Variants in ATP1A4 observed in about 807,000 individuals in gnomAD.
ATP1A4 encodes ATPase Na+/K+ transporting subunit alpha 4, also known as sodium/potassium-transporting ATPase subunit alpha-4.
In ATP1A4, 90 loss-of-function variants were observed where a neutral mutation model predicts 114.3. That is an observed-to-expected ratio of 0.79 (90% CI 0.66 to 0.94). The LOEUF is 0.94. Among genes scored for constraint, ATP1A4 ranks in the 40% least tolerant of loss-of-function variants. The pLI is 0.00. For missense variants in ATP1A4, 1,222 were observed against 1,313.6 expected (o/e 0.93, Z 1.08); for synonymous variants, 511 against 494.1 (o/e 1.03, Z -0.45).
At chr1:160,162,330 T>C (rs1013153884) in intron 6 of ATP1A4, among the ~76,000 whole-genome samples, 1 of 152,138 alleles carries the variant, frequency 6.6e-6, no homozygotes, top group African/African-American at 2.4e-5. Flanking sequence ...CATTTCAAGG[T>C]GAGTGGCCTG....
chr1:160,164,466 C>T (rs1275126628), intron 7 of ATP1A4, 42 bp downstream of exon 7: 4 of 1,605,036 alleles, frequency 2.5e-6, no homozygotes, highest in Non-Finnish European at 3.4e-6. Context: ...GCAGACAAAC[C>T]ACCCCAGGGA....
Position 160,166,530 on chromosome 1 carries a change from G to T in ATP1A4, c.1050G>T (p.Val350=), listed in dbSNP as rs766954591. The change falls in exon 8 of 22, where the codon GTG becomes GTT. Residue 350 remains valine (V), a splice_region_variant and synonymous_variant. Coordinates refer to ENST00000368081, the MANE Select transcript of ATP1A4 (RefSeq NM_144699.4). ...VPEGLLATVT[V]CLTLTAKRMA... is the part of the protein sequence containing the mutation. ...CTCTCCTCTCTTCTTGGCTTTAGGT[G>T]TGCCTGACCCTCACAGCCAAGCGCA... 1 of 1,614,102 alleles carries T rather than the reference G, an allele frequency of 6.2e-7. No individual in the cohort carries two copies. Among genetic ancestry groups the T allele is most frequent in the South Asian group, 1.1e-5 (1 of 91,088 alleles).
chr1:160,171,511 A>G, intron 11 of ATP1A4, 71 bp downstream of exon 11: 1 of 1,600,056 alleles, frequency 6.2e-7, no homozygotes, highest in South Asian at 1.1e-5. Context: ...GTGAGAAATC[A>G]AGGATGTTGG....
chr1:160,178,358 A>AAAATAAAT (rs55825666), intron 18 of ATP1A4, among the ~76,000 whole-genome samples: 20 of 149,310 alleles, frequency 1.3e-4, no homozygotes, highest in Middle Eastern at 3.4e-3. Context: ...TCTGTCTCAA[A>AAAATAAAT]AAATAAATAA....
chr1:160,157,885 G>A (rs1318608619), intron 4 of ATP1A4, among the ~76,000 whole-genome samples: 1 of 152,144 alleles, frequency 6.6e-6, no homozygotes, highest in Non-Finnish European at 1.5e-5. Flanking sequence ...AAGGTACCTG[G>A]AAAGAATACG....
chr1:160,158,700 C>G (rs918164280), intron 4 of ATP1A4, among the ~76,000 whole-genome samples: 3 of 152,138 alleles, frequency 2.0e-5, no homozygotes, highest in African/African-American at 7.2e-5. Context: ...TTTTAAACTC[C>G]TCTTTCCATC....
chr1:160,163,033 C>T (rs1652912585), intron 6 of ATP1A4, among the ~76,000 whole-genome samples: 1 of 152,156 alleles, frequency 6.6e-6, no homozygotes, highest in South Asian at 2.1e-4. Flanking sequence ...ACATAATGAC[C>T]TCTCAGAGGG....
chr1:160,152,205 G>A lies in ATP1A4; in HGVS notation c.147+18G>A, dbSNP rs1274103087. The A allele has an allele frequency of 4.3e-6, 7 of 1,610,382 alleles. No individual in the cohort carries two copies. Among genetic ancestry groups the A allele is most frequent in the Middle Eastern group, 1.7e-4 (1 of 6,056 alleles). ...TGGTCATGGTGAGGCCACCCAAAGT[G>A]GGCGCTGACAGCTGCCCTCTGAAAA... On this transcript the variant is annotated intron_variant, in intron 1 of 21. Transcript: ENST00000368081.
At chr1:160,179,413 T>G (rs1653601042) in intron 18 of ATP1A4, among the ~76,000 whole-genome samples, 1 of 152,202 alleles carries the variant, frequency 6.6e-6, no homozygotes, top group South Asian at 2.1e-4. Flanking sequence ...TAAAAGTAAT[T>G]TGAGGTAAAA....
chr1:160,153,250 CAG>C, intron 2 of ATP1A4, 26 bp downstream of exon 2: 1 of 1,602,060 alleles, frequency 6.2e-7, no homozygotes, highest in Non-Finnish European at 8.5e-7. Context: ...CCTGAGGAGG[CAG>C]AGAGTCTCCA....
At position 160,171,336 on chromosome 1, in the gene ATP1A4, C is replaced by T; in HGVS notation, c.1577C>T (p.Ser526Phe). The change falls in exon 11 of 22, where the codon TCT (serine) becomes TTT (phenylalanine). Residue 526 changes from serine to phenylalanine, a missense_variant. Physicochemically the swap from Ser to Phe is radical, Grantham distance 155 (BLOSUM62 -2). Transcript: ENST00000368081. ...CCGGAGAGGATCTTGGAGTTTTGTT[C>T]TACCTTTCTTCTGAATGGGCAGGAG... ...GAPERILEFC[S>F]TFLLNGQEYS... 2 of 1,614,082 alleles carry T rather than the reference C, an allele frequency of 1.2e-6. No individual in the cohort carries two copies. Among genetic ancestry groups the T allele is most frequent in the Non-Finnish European group, 1.7e-6 (2 of 1,180,002 alleles).
chr1:160,159,035 C>A lies in ATP1A4; in HGVS notation c.559C>A (p.Gln187Lys). Residue 187 changes from glutamine (Q) to lysine (K), a missense_variant, in exon 5 of 22, where the codon CAA becomes AAA. Physicochemically the swap from Gln to Lys is moderately conservative, Grantham distance 53. Coordinates refer to ENST00000368081, the MANE Select transcript of ATP1A4 (RefSeq NM_144699.4). ...GGTAATTCGAGGAGGAGAGAAGATGCAAATTAATGTACAAGAGGTGGTGTT... is the reference window on the plus strand; with the variant it reads ...GGTAATTCGAGGAGGAGAGAAGATGAAAATTAATGTACAAGAGGTGGTGTT... Reference protein sequence around the residue: ...ALVIRGGEKMQINVQEVVLGD... With the variant: ...ALVIRGGEKMKINVQEVVLGD... The A allele has an allele frequency of 6.2e-7, 1 of 1,613,868 alleles. No individual in the cohort carries two copies. Among genetic ancestry groups the A allele is most frequent in the Non-Finnish European group, 8.5e-7 (1 of 1,179,878 alleles).
chr1:160,165,110 C>T (rs984755207), intron 7 of ATP1A4, among the ~76,000 whole-genome samples: 2 of 152,212 alleles, frequency 1.3e-5, no homozygotes, highest in Non-Finnish European at 2.9e-5. Flanking sequence ...CTTAGCCATT[C>T]TTCCTATGAC....
intron 10 of ATP1A4, among the ~76,000 whole-genome samples, chr1:160,168,593 A>C (rs982882279): frequency 6.6e-6 from 1 of 152,070 alleles, no homozygotes; most frequent in Non-Finnish European, 1.5e-5. Context: ...CATGTTGGCT[A>C]TGCTGGTCTT....
At position 160,186,671 on chromosome 1, in the gene ATP1A4, G is replaced by C; in HGVS notation, c.3062G>C (p.Gly1021Ala). 1 of 1,610,516 alleles carries C rather than the reference G, an allele frequency of 6.2e-7. No individual in the cohort carries two copies. Among genetic ancestry groups the C allele is most frequent in the Non-Finnish European group, 8.5e-7 (1 of 1,178,458 alleles). ...RKLLIRQHPD[G>A]WVERETYY ...CACGCTGGCCTCTTCTCTTCCACAG[G>C]CTGGGTGGAAAGGGAGACGTACTAC... Residue 1021 changes from glycine (G) to alanine (A), a missense_variant and splice_region_variant, in exon 22 of 22, where the codon GGC becomes GCC. Coordinates refer to ENST00000368081, the MANE Select transcript of ATP1A4 (RefSeq NM_144699.4).
rs1193555228 is a variant in ATP1A4 at position 160,153,225 on chromosome 1, G to A, written c.207+1G>A. ...CAAGTACTCCGTGGACCTGACAAAG[G>A]TGAGTAAGAAGCTCCCTGAGGAGGC... On this transcript the variant is annotated splice_donor_variant, in intron 2 of 21. Coordinates refer to ENST00000368081, the MANE Select transcript of ATP1A4 (RefSeq NM_144699.4). LOFTEE classifies it high-confidence loss of function. The A allele has an allele frequency of 6.2e-7, 1 of 1,613,520 alleles. No individual in the cohort carries two copies. Among genetic ancestry groups the A allele is most frequent in the Non-Finnish European group, 8.5e-7 (1 of 1,179,610 alleles).
At position 160,181,673 on chromosome 1, in the gene ATP1A4, G is replaced by A. The variant is rs1276033326; in HGVS notation, c.2737-11G>A. 1.9e-6 allele frequency: 3 copies of A among 1,613,802 alleles called. No homozygotes were observed. Among genetic ancestry groups the A allele is most frequent in the East Asian group, 4.5e-5 (2 of 44,886 alleles). On this transcript the variant is annotated splice_polypyrimidine_tract_variant and intron_variant, in intron 18 of 21. Coordinates refer to ENST00000368081, the MANE Select transcript of ATP1A4 (RefSeq NM_144699.4). ...TTCTGACACTGTTTCCTCTCTCCCT[G>A]CTGTCTCTAGACCTATGAGCAACGA... is the stretch of plus-strand genomic sequence containing the variant.
At position 160,186,374 on chromosome 1, in the gene ATP1A4, C is replaced by A; in HGVS notation, c.3061+7C>A. 6.2e-7 allele frequency: 1 copy of A among 1,605,380 alleles called. No individual in the cohort carries two copies. The highest frequency in any genetic ancestry group is 8.5e-7 in the Non-Finnish European group (1 of 1,173,278). ...ATCCGTCAGCACCCGGATGGTGAGG[C>A]TCCCCTGGGCCCCGCTCTGACTGAG... On this transcript the variant is annotated splice_region_variant and intron_variant, in intron 21 of 21. Coordinates refer to ENST00000368081, the MANE Select transcript of ATP1A4 (RefSeq NM_144699.4).
chr1:160,154,273 G>T (rs575527597), intron 2 of ATP1A4, among the ~76,000 whole-genome samples: 2 of 152,030 alleles, frequency 1.3e-5, no homozygotes, highest in South Asian at 4.2e-4. Context: ...AGAATCACTT[G>T]AATGCAGGAG....
Sources: gnomAD v4.1 joint callset for allele counts (sites outside exome capture counted in the v4.1 genomes callset) on GRCh38, gnomAD v4.1.1 for gene constraint, MANE v1.5 for transcripts, NCBI Gene and HGNC (gene_info 2026-07-23, HGNC 2026-07-21) for gene names.